ZNF394: variants seen among roughly 807,000 people sequenced by gnomAD.
ZNF394 encodes the protein zinc finger protein 99.
A neutral mutation model predicts 21.8 loss-of-function variants in ZNF394; 19 were observed. The ratio of observed to expected loss-of-function variants is 0.87; its 90% CI spans 0.61 to 1.28. The LOEUF is 1.28. Ranked by LOEUF, ZNF394 falls within the 50% of genes most tolerant of loss-of-function variation. The probability of loss-of-function intolerance (pLI) is 0.00; values close to 1 mark genes in which losing one functional copy is unlikely to be tolerated. For missense variants in ZNF394, 683 were observed against 708.6 expected, an observed-to-expected ratio of 0.96 and a Z score of 0.41; for synonymous variants, 294 against 273.3, an observed-to-expected ratio of 1.08 and a Z score of -0.75.
intron 1 of ZNF394, chr7:99,487,674 T>G (rs898386978): frequency 1.6e-6 from 1 of 637,516 alleles, no homozygotes; most frequent in African/African-American, 1.8e-5. Context: ...GGCAACACAG[T>G]GAGATCCCAT....
rs1800212033 is a variant in ZNF394 at position 99,493,608 on chromosome 7, T to C, written c.1607A>G (p.Gln536Arg). 1 of 1,614,214 alleles carries C rather than the reference T, an allele frequency of 6.2e-7. No individual in the cohort carries two copies. Among genetic ancestry groups the C allele is most frequent in the South Asian group, 1.1e-5 (1 of 91,084 alleles). Residue 536 changes from glutamine to arginine, a missense_variant, in exon 3 of 3, where the codon CAA becomes CGA. Gln to Arg is a conservative substitution (Grantham distance 43). This residue lies in a region of ZNF394 where 274 missense variants were observed against 314.1 expected (regional missense o/e 0.87). Transcript: ENST00000337673. ...TTGGTGTCGGATAAGGTGTGTACTT[T>C]GTCTAAATCTTTCCCCACATTCAAG... The part of the protein sequence containing the change: ...KCLECGERFR[Q>R]STHLIRHQRI...
chr7:99,489,290 G>GAA (rs66724141), downstream of ZNF394, among the ~76,000 whole-genome samples: 7 of 109,278 alleles, frequency 6.4e-5, no homozygotes, highest in African/African-American at 9.2e-5. Flanking sequence ...TCTCAAAAAA[G>GAA]AAAAAAAAAA....
At chr7:99,486,712 A>G (rs1296073289) in exon 2 of ZNF394, 1 of 1,614,216 alleles carries the variant, frequency 6.2e-7, no homozygotes, top group Non-Finnish European at 8.5e-7. Context: ...GAATGCGCAA[A>G]CAAGGTGGAA....
At chr7:99,491,708 G>A (rs961665293), downstream of ZNF394, among the ~76,000 whole-genome samples, 7 of 148,122 alleles carry the variant, frequency 4.7e-5, no homozygotes, top group East Asian at 5.9e-4. Context: ...CCTGGGAGGC[G>A]GAGGTTGCAG....
downstream of ZNF394, among the ~76,000 whole-genome samples, chr7:99,492,791 TAAAA>T (rs1173024023): frequency 1.5e-5 from 2 of 132,146 alleles, no homozygotes; most frequent in Non-Finnish European, 3.3e-5. Context: ...CCCTATCTCT[TAAAA>T]AAAAAAAAAA....
At position 99,494,229 on chromosome 7, in the gene ZNF394, A is replaced by G. The variant is rs1800231500; in HGVS notation, c.986T>C (p.Leu329Pro). 6.2e-7 allele frequency: 1 copy of G among 1,614,264 alleles called. No individual in the cohort carries two copies. Among genetic ancestry groups the G allele is most frequent in the Non-Finnish European group, 8.5e-7 (1 of 1,180,052 alleles). The change falls in exon 3 of 3, where the codon CTG (leucine) becomes CCG (proline). Residue 329 changes from leucine to proline, a missense_variant. This residue lies in a region of ZNF394 where 274 missense variants were observed against 314.1 expected (regional missense o/e 0.87). Transcript: ENST00000337673. ...TCCACTGTCAGACTTGTGAGGTTTC[A>G]GCACGTGCCACGTCACCATGTGGAA... ...QSFHMVTWHV[L>P]KPHKSDSGDS...
Position 99,493,545 on chromosome 7 carries a change from C to A in ZNF394, c.1670G>T (p.Gly557Val). 6.2e-7 allele frequency: 1 copy of A among 1,606,106 alleles called. No individual in the cohort carries two copies. The highest frequency in any genetic ancestry group is 2.2e-5 in the East Asian group (1 of 44,832). ...HQNKVLSAGRGGSRL is the reference protein window; with the variant it reads ...HQNKVLSAGRVGSRL ...GTGCTGGGATTATAGGCGTGAGCCACCACGCCCAGCCGACAGCACTTTATT... is the reference window on the plus strand; with the variant it reads ...GTGCTGGGATTATAGGCGTGAGCCAACACGCCCAGCCGACAGCACTTTATT... Residue 557 changes from glycine to valine, a missense_variant, in exon 3 of 3, where the codon GGT becomes GTT. Physicochemically the swap from Gly to Val is moderately radical, Grantham distance 109. Coordinates refer to ENST00000337673, the MANE Select transcript of ZNF394 (RefSeq NM_032164.4).
chr7:99,488,309 G>A (rs1030500837), downstream of ZNF394, among the ~76,000 whole-genome samples: 5 of 151,844 alleles, frequency 3.3e-5, no homozygotes, highest in Non-Finnish European at 5.9e-5. Context: ...GGCTGAGGCT[G>A]GAGAATCACT....
downstream of ZNF394, among the ~76,000 whole-genome samples, chr7:99,492,976 G>A (rs966904302): frequency 5.9e-5 from 9 of 152,078 alleles, no homozygotes; most frequent in South Asian, 2.1e-4. Flanking sequence ...AAGGTAGAGC[G>A]CAGATAACAA....
At chr7:99,499,556 G>A (rs1286498629) in intron 1 of ZNF394, 82 bp downstream of exon 1, 7 of 1,270,580 alleles carry the variant, frequency 5.5e-6, no homozygotes, top group East Asian at 2.3e-5. Flanking sequence ...ATGTAATAAG[G>A]AAGTAAGTTC....
At chr7:99,490,366 C>T (rs1800136405), downstream of ZNF394, among the ~76,000 whole-genome samples, 3 of 152,006 alleles carry the variant, frequency 2.0e-5, no homozygotes, top group Admixed American at 2.0e-4. Context: ...GCCATGTTGG[C>T]CAGGCTGGTC....
rs1800211774 is a variant in ZNF394, at chr7:99,493,593, A to G, written c.1622T>C (p.Ile541Thr). Reference sequence around the variant, plus strand: ...ATTTTGATGAATTCTTTGGTGTCGGATAAGGTGTGTACTTTGTCTAAATCT... The same window carrying G: ...ATTTTGATGAATTCTTTGGTGTCGGGTAAGGTGTGTACTTTGTCTAAATCT... ...GERFRQSTHL[I>T]RHQRIHQNKV... Residue 541 changes from isoleucine (I) to threonine (T), a missense_variant, in exon 3 of 3, where the codon ATC becomes ACC. By Grantham distance (89) the Ile-to-Thr change is moderately conservative. Around this residue, in one of 3 missense-constraint regions of ZNF394, gnomAD observed 274 missense variants for 314.1 expected, o/e 0.87. Transcript: ENST00000337673. The G allele has an allele frequency of 6.2e-7, 1 of 1,614,120 alleles. No individual in the cohort carries two copies. Among genetic ancestry groups the G allele is most frequent in the Non-Finnish European group, 8.5e-7 (1 of 1,180,010 alleles).
intron 1 of ZNF394, 150 bp downstream of exon 1, chr7:99,499,488 G>T: frequency 3.0e-6 from 2 of 673,812 alleles, no homozygotes; most frequent in Non-Finnish European, 5.1e-6. Flanking sequence ...TTCCTGGATG[G>T]ATCTGTCACT....
chr7:99,493,981 T>C lies in ZNF394; in HGVS notation c.1234A>G (p.Lys412Glu). 1.9e-6 allele frequency: 3 copies of C among 1,614,236 alleles called. No individual in the cohort carries two copies. The highest frequency in any genetic ancestry group is 2.5e-6 in the Non-Finnish European group (3 of 1,180,042). Residue 412 changes from lysine (K) to glutamate (E), a missense_variant, in exon 3 of 3, where the codon AAG becomes GAG. Physicochemically the swap from Lys to Glu is moderately conservative, Grantham distance 56 (BLOSUM62 1). This residue lies in a region of ZNF394 where 274 missense variants were observed against 314.1 expected (regional missense o/e 0.87). Transcript: ENST00000337673. ...TKHQRTHTGE[K>E]PYTCLKCGER... Reference sequence around the variant, plus strand: ...CCACATTTCAGACAGGTGTACGGCTTCTCGCCTGTGTGTGTCCTCTGGTGC... The same window carrying C: ...CCACATTTCAGACAGGTGTACGGCTCCTCGCCTGTGTGTGTCCTCTGGTGC...
chr7:99,489,447 C>T (rs1438339333), downstream of ZNF394, among the ~76,000 whole-genome samples: 1 of 152,096 alleles, frequency 6.6e-6, no homozygotes, highest in South Asian at 2.1e-4. Flanking sequence ...CAGCTGTCAA[C>T]CAATCATCGA....
chr7:99,500,206 C>CA lies in ZNF394; in HGVS notation c.-114_-113insT. On this transcript the variant is annotated 5_prime_UTR_variant, in exon 1 of 3. Transcript: ENST00000337673. ...CTCCGGTCCCAAACACCGGGCCCCA[C>CA]CACACCAGGCCCCTCTCCACACTCT... 1.0e-6 allele frequency: 1 copy of CA among 995,660 alleles called. No individual in the cohort carries two copies. Among genetic ancestry groups the CA allele is most frequent in the Non-Finnish European group, 1.4e-6 (1 of 699,368 alleles). 61.7% of individuals were successfully genotyped at this position (995,660 alleles called of 1,614,324 possible).
chr7:99,491,910 T>TA (rs1188754313), downstream of ZNF394, among the ~76,000 whole-genome samples: 1 of 148,994 alleles, frequency 6.7e-6, no homozygotes, highest in African/African-American at 2.5e-5. Flanking sequence ...CCATCTCTAC[T>TA]AAAAATACAA....
chr7:99,491,025 C>T (rs77779172), downstream of ZNF394, among the ~76,000 whole-genome samples: 10,548 of 152,008 alleles, frequency 0.069, 748 homozygotes, highest in East Asian at 0.3. Flanking sequence ...ACTGCTGTTT[C>T]CTGATGATAT....
At chr7:99,496,850 G>T (rs1296894994) in intron 2 of ZNF394, among the ~76,000 whole-genome samples, 3 of 151,732 alleles carry the variant, frequency 2.0e-5, no homozygotes, top group African/African-American at 7.3e-5. Flanking sequence ...AGGATTACAG[G>T]TGTGAGCCAC....
Sources: gnomAD v4.1 joint callset for allele counts (sites outside exome capture counted in the v4.1 genomes callset) on GRCh38, gnomAD v4.1.1 for gene constraint, gnomAD v4.1.1 regional missense constraint, MANE v1.5 for transcripts, NCBI Gene and HGNC (gene_info 2026-07-23, HGNC 2026-07-21) for gene names.